Variants in DKK2 observed in about 807,000 individuals in gnomAD.
The protein encoded by DKK2 is dickkopf-related protein 2.
In DKK2, 11 loss-of-function variants were observed where a neutral mutation model predicts 28.1. The observed-to-expected ratio is 0.39, with a 90% CI of 0.25 to 0.65. The LOEUF (loss-of-function observed/expected upper bound fraction) is 0.65. DKK2 is among the 30% of genes least tolerant of loss of function. DKK2 has a pLI of 0.47. For missense variants in DKK2, 326 were observed against 335.5 expected (o/e 0.97, Z 0.22); for synonymous variants, 135 against 126.5 (o/e 1.07, Z -0.45).
At chr4:106,985,666 C>T (rs889409556) in intron 1 of DKK2, among the ~76,000 whole-genome samples, 2 of 149,596 alleles carry the variant, frequency 1.3e-5, no homozygotes, top group Admixed American at 6.7e-5. Context: ...AAAATTAGCC[C>T]GGCATGGTGG....
chr4:107,012,639 G>C (rs1392624857), intron 1 of DKK2, among the ~76,000 whole-genome samples: 1 of 151,048 alleles, frequency 6.6e-6, no homozygotes, highest in Admixed American at 6.6e-5. Context: ...AATGGGAAAG[G>C]GTTTTGTCTT....
intron 1 of DKK2, among the ~76,000 whole-genome samples, chr4:107,000,618 G>T (rs1332820712): frequency 6.6e-6 from 1 of 152,070 alleles, no homozygotes; most frequent in Non-Finnish European, 1.5e-5. Flanking sequence ...GCTAATTGAA[G>T]GGACCCTGTT....
At chr4:106,991,257 A>G (rs1353694911) in intron 1 of DKK2, among the ~76,000 whole-genome samples, 1 of 152,146 alleles carries the variant, frequency 6.6e-6, no homozygotes, top group Non-Finnish European at 1.5e-5. Flanking sequence ...CCAGGTTTGT[A>G]CACCTACAAT....
intron 1 of DKK2, among the ~76,000 whole-genome samples, chr4:107,034,020 C>T (rs952320899): frequency 5.9e-5 from 9 of 152,062 alleles, no homozygotes; most frequent in Non-Finnish European, 1.3e-4. Flanking sequence ...TTTTGTAATC[C>T]CTTGAAAGGA....
chr4:106,997,439 T>G (rs1188429098), intron 1 of DKK2, among the ~76,000 whole-genome samples: 1 of 152,206 alleles, frequency 6.6e-6, no homozygotes, highest in Non-Finnish European at 1.5e-5. Flanking sequence ...TATGTGTGTT[T>G]GTGCATGCAT....
intron 1 of DKK2, among the ~76,000 whole-genome samples, chr4:106,983,345 A>AAAGG (rs1560585829): frequency 2.2e-5 from 3 of 136,364 alleles, no homozygotes; most frequent in African/African-American, 7.9e-5. Context: ...AGGAAGAAAG[A>AAAGG]AAGAAAGAAA....
chr4:106,929,003 G>A (rs973198356), intron 1 of DKK2, among the ~76,000 whole-genome samples: 9 of 152,058 alleles, frequency 5.9e-5, no homozygotes, highest in Non-Finnish European at 1.5e-5. Context: ...GACTGCTGGA[G>A]GGAATTATAT....
chr4:106,985,483 T>C (rs186678937), intron 1 of DKK2, among the ~76,000 whole-genome samples: 3 of 151,932 alleles, frequency 2.0e-5, no homozygotes, highest in Admixed American at 2.0e-4. Flanking sequence ...TGCATGTGAA[T>C]CTATAATTAT....
At chr4:107,034,731 T>G (rs149213906) in intron 1 of DKK2, among the ~76,000 whole-genome samples, 10 of 152,276 alleles carry the variant, frequency 6.6e-5, no homozygotes, top group African/African-American at 2.4e-4. Flanking sequence ...ACCTTACTTC[T>G]TTGAAGAGAG....
intron 1 of DKK2, among the ~76,000 whole-genome samples, chr4:107,028,009 C>A (rs1723816132): frequency 6.6e-6 from 1 of 152,158 alleles, no homozygotes; most frequent in African/African-American, 2.4e-5. Flanking sequence ...GCCTCAGCCT[C>A]CCAAAGTGCT....
chr4:106,956,611 A>C (rs1722596120), intron 1 of DKK2, among the ~76,000 whole-genome samples: 1 of 152,222 alleles, frequency 6.6e-6, no homozygotes, highest in African/African-American at 2.4e-5. Flanking sequence ...ATCTATAACT[A>C]TCTGATCTTT....
At chr4:106,989,376 A>C (rs887399806) in intron 1 of DKK2, among the ~76,000 whole-genome samples, 5 of 152,146 alleles carry the variant, frequency 3.3e-5, no homozygotes, top group Non-Finnish European at 7.4e-5. Context: ...TGAACAAGTA[A>C]TTTCTTCATG....
At chr4:106,988,891 G>T (rs1560587031) in intron 1 of DKK2, among the ~76,000 whole-genome samples, 1 of 152,076 alleles carries the variant, frequency 6.6e-6, no homozygotes, top group Non-Finnish European at 1.5e-5. Context: ...CATCCTAAAG[G>T]CAAAACAACA....
chr4:106,960,741 T>A (rs1461190737), intron 1 of DKK2, among the ~76,000 whole-genome samples: 1 of 152,156 alleles, frequency 6.6e-6, no homozygotes, highest in African/African-American at 2.4e-5. Context: ...AATTTTCCCT[T>A]GCATTCATTA....
intron 2 of DKK2, among the ~76,000 whole-genome samples, chr4:106,925,292 T>C (rs1724409046): frequency 6.6e-6 from 1 of 152,232 alleles, no homozygotes; most frequent in African/African-American, 2.4e-5. Context: ...ATCCATTTCA[T>C]CATTATTACT....
At chr4:106,936,837 C>A (rs1158969730) in intron 1 of DKK2, among the ~76,000 whole-genome samples, 1 of 151,222 alleles carries the variant, frequency 6.6e-6, no homozygotes, top group Admixed American at 6.6e-5. Context: ...AAAGAATTTT[C>A]AACCCAGAAT....
intron 1 of DKK2, among the ~76,000 whole-genome samples, chr4:106,974,197 T>A (rs1719651800): frequency 6.6e-6 from 1 of 152,160 alleles, no homozygotes; most frequent in African/African-American, 2.4e-5. Flanking sequence ...TTTCTTCTTT[T>A]TGCTTAGGAT....
At chr4:107,018,277 C>T (rs1465379586) in intron 1 of DKK2, among the ~76,000 whole-genome samples, 3 of 152,006 alleles carry the variant, frequency 2.0e-5, no homozygotes, top group African/African-American at 7.2e-5. Flanking sequence ...ATTAGAACAC[C>T]TGTGTGTCAG....
intron 1 of DKK2, among the ~76,000 whole-genome samples, chr4:106,939,191 A>C (rs549689089): frequency 1.1e-4 from 17 of 152,316 alleles, no homozygotes; most frequent in African/African-American, 4.1e-4. Flanking sequence ...TGCAGATGAC[A>C]TGACTGTATA....
Sources: allele counts gnomAD v4.1 joint callset (sites outside exome capture counted in the v4.1 genomes callset), GRCh38; gene constraint gnomAD v4.1.1; transcripts MANE v1.5; gene names NCBI Gene and HGNC (gene_info 2026-07-23, HGNC 2026-07-21).